RIPK4: variants seen among roughly 807,000 people sequenced by gnomAD.
RIPK4 encodes receptor interacting serine/threonine kinase 4, also known as receptor-interacting serine/threonine-protein kinase 4.
A neutral mutation model predicts 42.9 loss-of-function variants in RIPK4; 17 were observed. The ratio of observed to expected loss-of-function variants is 0.40; its 90% CI spans 0.27 to 0.59. RIPK4 has a LOEUF of 0.59. Among genes scored for constraint, RIPK4 ranks in the 20% least tolerant of loss-of-function variants. The pLI is 0.47. For missense variants in RIPK4, 897 were observed against 1,104.4 expected (o/e 0.81, Z 2.66); for synonymous variants, 498 against 499.1 (o/e 1.00, Z 0.03).
chr21:41,767,013 G>A lies in RIPK4; in HGVS notation c.29C>T (p.Ala10Val), dbSNP rs780286296. 12 of 1,589,464 alleles carry A rather than the reference G, an allele frequency of 7.5e-6. No homozygotes were observed. Among genetic ancestry groups the A allele is most frequent in the East Asian group, 2.4e-5 (1 of 41,662 alleles). The change falls in exon 1 of 8, where the codon GCC becomes GTC. Residue 10 changes from alanine to valine, a missense_variant. Physicochemically the swap from Ala to Val is moderately conservative, Grantham distance 64. Transcript: ENST00000332512. This position sits in a 1 kb window ranked among gnomAD's most constrained non-coding sequence, Gnocchi z 4.0. MEGDGGTPW[A>V]LALLRTFDAG... The stretch of plus-strand genomic sequence containing the variant: ...GTCGAAGGTGCGCAGCAGCGCCAGG[G>A]CCCATGGGGTCCCGCCGTCGCCCTC...
At chr21:41,765,419 G>A (rs1403275555) in intron 1 of RIPK4, among the ~76,000 whole-genome samples, 1 of 152,186 alleles carries the variant, frequency 6.6e-6, no homozygotes, top group Non-Finnish European at 1.5e-5. Context: ...GATGACACTC[G>A]TCACCACTCT....
Position 41,756,597 on chromosome 21 carries a change from G to A in RIPK4, c.402C>T (p.Cys134=). Residue 134 remains cysteine, a synonymous_variant, in exon 2 of 8, where the codon TGC becomes TGT. Coordinates refer to ENST00000332512, the MANE Select transcript of RIPK4 (RefSeq NM_020639.3). ...CCAGGTGCAGGAGTGGCGGGGCCATGCAGTGCAGGAAGTTCATGCCCACCG... is the reference window on the plus strand; with the variant it reads ...CCAGGTGCAGGAGTGGCGGGGCCATACAGTGCAGGAAGTTCATGCCCACCG... ...ETAVGMNFLH[C]MAPPLLHLDL... 1 of 1,613,524 alleles carries A rather than the reference G, an allele frequency of 6.2e-7. No individual in the cohort carries two copies. The highest frequency in any genetic ancestry group is 8.5e-7 in the Non-Finnish European group (1 of 1,179,982).
Position 41,751,213 on chromosome 21 carries a change from C to A in RIPK4, c.507G>T (p.Gly169=). 1 of 1,614,202 alleles carries A rather than the reference C, an allele frequency of 6.2e-7. No individual in the cohort carries two copies. ...ISDFGLAKCN[G]LSHSHDLSMD... ...TGCTGAGGTCATGCGAGTGGGACAG[C>A]CCGTTGCACTTGGCCAGACCAAAAT... The change falls in exon 3 of 8, where the codon GGG becomes GGT. Residue 169 remains glycine (G), a synonymous_variant. Transcript: ENST00000332512. This position sits in a 1 kb window ranked among gnomAD's most constrained non-coding sequence, Gnocchi z 4.5.
At position 41,755,551 on chromosome 21, in the gene RIPK4, T is replaced by C. The variant is rs912228557; in HGVS notation, c.474+974A>G. On this transcript the variant is annotated intron_variant, in intron 2 of 7. Coordinates refer to ENST00000332512, the MANE Select transcript of RIPK4 (RefSeq NM_020639.3). This position sits in a 1 kb window ranked among gnomAD's most constrained non-coding sequence, Gnocchi z 4.2. ...TAATGGTCAGGCCATCAGAGAGGCC[T>C]GGAAGTGCTGTGCCACCAGGAACAG... 1.3e-5 allele frequency among the ~76,000 whole-genome samples: 2 copies of C among 152,172 alleles called. No individual in the cohort carries two copies. The highest frequency in any genetic ancestry group is 6.5e-5 in the Admixed American group (1 of 15,276).
At position 41,755,220 on chromosome 21, in the gene RIPK4, C is replaced by G. The variant is rs1437979987; in HGVS notation, c.474+1305G>C. Among the ~76,000 whole-genome samples the G allele has an allele frequency of 5.3e-5, 8 of 152,332 alleles. No individual in the cohort carries two copies. The South Asian group carries it at 1.7e-3, about 32-fold the overall frequency. On this transcript the variant is annotated intron_variant, in intron 2 of 7. Transcript: ENST00000332512. This position sits in a 1 kb window ranked among gnomAD's most constrained non-coding sequence, Gnocchi z 4.2. The stretch of plus-strand genomic sequence containing the variant: ...GAAACCACCAGAGAGCCCGTTCAAG[C>G]CAAGTCATTTGATTTTTGTCTCCAT...
At chr21:41,753,584 GTCC>G (rs2061194777) in intron 2 of RIPK4, among the ~76,000 whole-genome samples, 1 of 152,088 alleles carries the variant, frequency 6.6e-6, no homozygotes, top group African/African-American at 2.4e-5. Context: ...CTCACCCCGT[GTCC>G]TCAACAGCGA....
intron 1 of RIPK4, among the ~76,000 whole-genome samples, chr21:41,759,066 C>T (rs2061213292): frequency 6.6e-6 from 1 of 152,192 alleles, no homozygotes; most frequent in South Asian, 2.1e-4. Flanking sequence ...CTTGAGAATG[C>T]ATTCCAGGTT....
At chr21:41,743,725 C>A (rs2061161472) in intron 7 of RIPK4, among the ~76,000 whole-genome samples, 157 bp downstream of exon 7, 1 of 152,240 alleles carries the variant, frequency 6.6e-6, no homozygotes, top group African/African-American at 2.4e-5. Flanking sequence ...AAATGCCCAA[C>A]ACACAAAATT....
In RIPK4 at chr21:41,741,305, C is replaced by A; in HGVS notation, c.1888G>T (p.Val630Phe). The A allele has an allele frequency of 6.2e-7, 1 of 1,608,360 alleles. No homozygotes were observed. Among genetic ancestry groups the A allele is most frequent in the Non-Finnish European group, 8.5e-7 (1 of 1,179,682 alleles). Residue 630 changes from valine (V) to phenylalanine (F), a missense_variant, in exon 8 of 8, where the codon GTC (valine) becomes TTC (phenylalanine). By Grantham distance (50) the Val-to-Phe change is conservative. Coordinates refer to ENST00000332512, the MANE Select transcript of RIPK4 (RefSeq NM_020639.3). ...TGTGCCAGCAGGCTGCAGACGTTGA[C>A]GTCGGAGCACAGGTCGATGAGGATG... The part of the protein sequence containing the change: ...ARILIDLCSD[V>F]NVCSLLAQTP...
intron 2 of RIPK4, among the ~76,000 whole-genome samples, chr21:41,752,220 G>C (rs2061190694): frequency 6.6e-6 from 1 of 152,190 alleles, no homozygotes; most frequent in South Asian, 2.1e-4. Flanking sequence ...CAAGGCATAT[G>C]GATTTTTTTA....
chr21:41,746,543 C>G, intron 5 of RIPK4, 70 bp downstream of exon 5: 1 of 1,566,492 alleles, frequency 6.4e-7, no homozygotes, highest in East Asian at 2.3e-5. Flanking sequence ...GTCCCTCACC[C>G]TGTCCTGTCT....
intron 6 of RIPK4, 37 bp downstream of exon 6, chr21:41,745,722 G>A (rs774395767): frequency 4.0e-6 from 6 of 1,508,800 alleles, no homozygotes; most frequent in East Asian, 2.3e-5. Flanking sequence ...CCTGGAAGCC[G>A]AGGAGACAAA....
rs2061150678 is a variant in RIPK4 at position 41,740,915 on chromosome 21, G to T, written c.2278C>A (p.His760Asn). 1 of 1,612,580 alleles carries T rather than the reference G, an allele frequency of 6.2e-7. No homozygotes were observed. Among genetic ancestry groups the T allele is most frequent in the South Asian group, 1.1e-5 (1 of 91,066 alleles). Residue 760 changes from histidine to asparagine, a missense_variant, in exon 8 of 8, where the codon CAC (histidine) becomes AAC (asparagine). Coordinates refer to ENST00000332512, the MANE Select transcript of RIPK4 (RefSeq NM_020639.3). Reference sequence around the variant, plus strand: ...AACTTGAGGCTCTGCAGGTTGATGTGGGCCCCATGCCTGAGCAGAGTCTCC... The same window carrying T: ...AACTTGAGGCTCTGCAGGTTGATGTTGGCCCCATGCCTGAGCAGAGTCTCC... ...TVETLLRHGA[H>N]INLQSLKFQG...
At chr21:41,749,759 A>G (rs2061182793) in intron 3 of RIPK4, among the ~76,000 whole-genome samples, 1 of 152,096 alleles carries the variant, frequency 6.6e-6, no homozygotes, top group Admixed American at 6.6e-5. Flanking sequence ...AGTGCGCAGA[A>G]AACGTAGGAG....
intron 1 of RIPK4, among the ~76,000 whole-genome samples, chr21:41,758,928 T>C (rs551273282): frequency 2.0e-5 from 3 of 152,310 alleles, no homozygotes; most frequent in South Asian, 4.1e-4. Context: ...CAGAATGCGT[T>C]CAGAGTAAGA....
At chr21:41,761,243 C>A (rs915020336) in intron 1 of RIPK4, among the ~76,000 whole-genome samples, 12 of 152,244 alleles carry the variant, frequency 7.9e-5, no homozygotes, top group African/African-American at 2.9e-4. Flanking sequence ...GAAAATGACA[C>A]CTCTCAGCTC....
chr21:41,755,127 G>A lies in RIPK4; in HGVS notation c.474+1398C>T, dbSNP rs2061199453. ...GTTGGCGGGAATGGGGGGTCCGCAT[G>A]TGAGGCCCAGCCCTGCCCATCACAG... On this transcript the variant is annotated intron_variant, in intron 2 of 7. Transcript: ENST00000332512. This position sits in a 1 kb window ranked among gnomAD's most constrained non-coding sequence, Gnocchi z 4.2. Among the ~76,000 whole-genome samples the A allele has an allele frequency of 6.6e-6, 1 of 152,046 alleles. No homozygotes were observed. Among genetic ancestry groups the A allele is most frequent in the Admixed American group, 6.5e-5 (1 of 15,270 alleles).
chr21:41,756,880 C>T (rs1269235680), intron 1 of RIPK4, 64 bp from the exon 2 acceptor site: 10 of 1,545,380 alleles, frequency 6.5e-6, no homozygotes, highest in Admixed American at 1.8e-5. Context: ...TGGAACAGCA[C>T]CCTGGCCAGA....
intron 6 of RIPK4, among the ~76,000 whole-genome samples, chr21:41,744,941 C>A (rs992404924): frequency 6.6e-6 from 1 of 152,198 alleles, no homozygotes; most frequent in Non-Finnish European, 1.5e-5. Flanking sequence ...CGGGATTTCA[C>A]GCTTCTTCCC....
Sources: gnomAD v4.1 joint callset for allele counts (sites outside exome capture counted in the v4.1 genomes callset) on GRCh38, gnomAD v4.1.1 for gene constraint, Gnocchi (gnomAD v3.1) non-coding constraint, MANE v1.5 for transcripts, NCBI Gene and HGNC (gene_info 2026-07-23, HGNC 2026-07-21) for gene names.